Variants in CENPC observed in about 807,000 individuals in gnomAD.
The protein encoded by CENPC is centromere protein C.
A neutral mutation model predicts 112.1 loss-of-function variants in CENPC; 63 were observed. The observed-to-expected ratio is 0.56, with a 90% CI of 0.46 to 0.69. CENPC has a LOEUF of 0.69. CENPC is among the 30% of genes least tolerant of loss of function. The pLI is 0.00. For missense variants in CENPC, 1,000 were observed against 1,103.8 expected (o/e 0.91, Z 1.33); for synonymous variants, 333 against 367.6 (o/e 0.91, Z 1.08).
rs1212573348 is a variant in CENPC at position 67,483,089 on chromosome 4, T to C, written c.2670+6878A>G. On this transcript the variant is annotated intron_variant, in intron 17 of 18. Coordinates refer to ENST00000273853, the MANE Select transcript of CENPC (RefSeq NM_001812.4). The stretch of plus-strand genomic sequence containing the variant: ...CTGCCACCATGTGAAAAAGGACATG[T>C]TTGCTTCCCCTTCTGCCATAATTGT... Among the ~76,000 whole-genome samples, 4 of 152,108 alleles carry C rather than the reference T, an allele frequency of 2.6e-5. 1 individual carries two copies. The highest frequency in any genetic ancestry group is 1.3e-4 in the Admixed American group (2 of 15,274).
chr4:67,491,480 T>TAGAGAG lies in CENPC; in HGVS notation c.2515+694_2515+699dup, dbSNP rs71219046. ...ATATATATATATATATATATATATA[T>TAGAGAG]AGAGAGAGAGAGAGAGAGAGAGAGA... On this transcript the variant is annotated intron_variant, in intron 16 of 18. Coordinates refer to ENST00000273853, the MANE Select transcript of CENPC (RefSeq NM_001812.4). Among the ~76,000 whole-genome samples the TAGAGAG allele has an allele frequency of 2.1e-3, 38 of 18,102 alleles. 2 individuals carry two copies. The highest frequency in any genetic ancestry group is 0.012 in the East Asian group (4 of 326). 11.9% of individuals were successfully genotyped at this position (18,102 alleles called of 152,430 possible). A position where few individuals can be genotyped will look rare whatever the true frequency, so the allele number is the denominator to read the frequency against.
intron 12 of CENPC, among the ~76,000 whole-genome samples, chr4:67,503,488 A>C (rs1725648587): frequency 1.3e-5 from 2 of 152,176 alleles, no homozygotes; most frequent in Non-Finnish European, 2.9e-5. Context: ...TAAATTTGTT[A>C]TCTTTTTATA....
At chr4:67,502,373 C>A (rs1725614364) in intron 12 of CENPC, among the ~76,000 whole-genome samples, 1 of 145,512 alleles carries the variant, frequency 6.9e-6, no homozygotes, top group Non-Finnish European at 1.5e-5. Context: ...ACTTTTAATT[C>A]TCTAATAAAA....
chr4:67,540,957 T>C (rs1482042823), intron 3 of CENPC, 23 bp downstream of exon 3: 10 of 1,538,338 alleles, frequency 6.5e-6, no homozygotes, highest in Non-Finnish European at 8.9e-6. Flanking sequence ...ACCCTTAAAT[T>C]CCATCTTGAA....
chr4:67,539,094 C>T (rs1182802077), intron 4 of CENPC, among the ~76,000 whole-genome samples: 1 of 152,062 alleles, frequency 6.6e-6, no homozygotes, highest in Non-Finnish European at 1.5e-5. Flanking sequence ...CAATATTAGG[C>T]AAACCTAATC....
At chr4:67,475,674 C>G (rs1724784495) in intron 17 of CENPC, among the ~76,000 whole-genome samples, 1 of 152,196 alleles carries the variant, frequency 6.6e-6, no homozygotes, top group South Asian at 2.1e-4. Flanking sequence ...TCTCGGCTCA[C>G]TGCAAGCTCC....
intron 16 of CENPC, among the ~76,000 whole-genome samples, chr4:67,491,968 CG>C (rs776200127): frequency 2.6e-4 from 39 of 152,100 alleles, no homozygotes; most frequent in Non-Finnish European, 3.5e-4. Context: ...AGGACAAGTC[CG>C]GGGTGTTAAG....
chr4:67,492,611 G>A (rs766219132), intron 15 of CENPC: 5 of 503,522 alleles, frequency 9.9e-6, no homozygotes, highest in Non-Finnish European at 1.6e-5. Context: ...ACCATAGCTT[G>A]GGCATAGGAA....
At position 67,514,513 on chromosome 4, in the gene CENPC, A is replaced by T. The variant is rs1193217577; in HGVS notation, c.1005T>A (p.Ala335=). Residue 335 remains alanine, a synonymous_variant, in exon 8 of 19, where the codon GCT becomes GCA. Transcript: ENST00000273853. ...GSLKQRTISP[A]ESTALLQGRK... ...TACCTTGAAGGAGTGCAGTGCTCTC[A>T]GCCGGGGATATTGTGCGTTGTTTCA... 1 of 1,613,346 alleles carries T rather than the reference A, an allele frequency of 6.2e-7. No individual in the cohort carries two copies. The highest frequency in any genetic ancestry group is 1.1e-5 in the South Asian group (1 of 91,008).
At chr4:67,544,251 T>C in intron 1 of CENPC, 56 bp from the exon 2 acceptor site, 1 of 981,380 alleles carries the variant, frequency 1.0e-6, no homozygotes, top group Middle Eastern at 2.1e-4. Context: ...CGAGTAAAAT[T>C]TATTTTCAAA....
In CENPC at chr4:67,486,634, G is replaced by A. The variant is rs537709560; in HGVS notation, c.2670+3333C>T. Among the ~76,000 whole-genome samples the A allele has an allele frequency of 2.0e-5, 3 of 152,272 alleles. No individual in the cohort carries two copies. The East Asian group carries it at 5.8e-4, about 29-fold the overall frequency. On this transcript the variant is annotated intron_variant, in intron 17 of 18. Coordinates refer to ENST00000273853, the MANE Select transcript of CENPC (RefSeq NM_001812.4). ...TTGTCACAACTACAGTGGTGCTACT[G>A]GAATCTAATGAGTAGAGGCCAGGTA...
chr4:67,540,069 A>T, intron 3 of CENPC, 135 bp from the exon 4 acceptor site: 1 of 493,170 alleles, frequency 2.0e-6, no homozygotes, highest in East Asian at 3.5e-5. Flanking sequence ...AATCAAGTAG[A>T]GACCTCAATT....
chr4:67,476,361 A>T (rs1409646994), intron 17 of CENPC, among the ~76,000 whole-genome samples: 2 of 152,220 alleles, frequency 1.3e-5, no homozygotes, highest in Non-Finnish European at 2.9e-5. Context: ...AAGGGGGGAA[A>T]GTCTGCCTCC....
At chr4:67,505,823 A>C (rs939037583) in intron 11 of CENPC, among the ~76,000 whole-genome samples, 1 of 152,216 alleles carries the variant, frequency 6.6e-6, no homozygotes, top group Non-Finnish European at 1.5e-5. Flanking sequence ...GAGCATCATA[A>C]GTACTGAATT....
chr4:67,478,619 G>A (rs1724869682), intron 17 of CENPC, among the ~76,000 whole-genome samples: 1 of 135,352 alleles, frequency 7.4e-6, no homozygotes. Flanking sequence ...AAATCTCCCA[G>A]GGTCTATAAA....
At chr4:67,475,635 G>A (rs988597946) in intron 17 of CENPC, among the ~76,000 whole-genome samples, 1 of 152,196 alleles carries the variant, frequency 6.6e-6, no homozygotes, top group Non-Finnish European at 1.5e-5. Context: ...GTCTCACTCT[G>A]TCATCCAGGC....
At chr4:67,513,123 A>C (rs1725943621) in intron 8 of CENPC, among the ~76,000 whole-genome samples, 1 of 152,160 alleles carries the variant, frequency 6.6e-6, no homozygotes, top group African/African-American at 2.4e-5. Flanking sequence ...CAGATGGTGG[A>C]GGAGGACCAT....
At position 67,469,107 on chromosome 4, in the gene CENPC, TGTAA is replaced by T. The variant is rs1444643971; in HGVS notation, c.*3494_*3497del. 6.6e-6 allele frequency: 1 copy of T among 152,178 alleles called. No individual in the cohort carries two copies. The highest frequency in any genetic ancestry group is 1.5e-5 in the Non-Finnish European group (1 of 68,020). The allele number at this position is 152,178 out of a possible 1,614,324, so 9.4% of individuals were successfully genotyped here. ...GTTTTCTGCATTGTAGTTACATAGA[TGTAA>T]GTAACCATTGGAAGAAATTAAAGAC... On this transcript the variant is annotated 3_prime_UTR_variant, in exon 19 of 19. Transcript: ENST00000273853.
At chr4:67,525,646 G>C (rs1270087461) in intron 5 of CENPC, among the ~76,000 whole-genome samples, 1 of 152,194 alleles carries the variant, frequency 6.6e-6, no homozygotes, top group Non-Finnish European at 1.5e-5. Flanking sequence ...AGTTAGAATA[G>C]TGATCATTAA....
Sources: allele counts gnomAD v4.1 joint callset (sites outside exome capture counted in the v4.1 genomes callset), GRCh38; gene constraint gnomAD v4.1.1; transcripts MANE v1.5; gene names NCBI Gene and HGNC (gene_info 2026-07-23, HGNC 2026-07-21).